The following CDH13 variants were observed in gnomAD, a reference collection of about 807,000 sequenced individuals.
CDH13 encodes the protein cadherin 13, also known as cadherin-13.
A neutral mutation model predicts 63.8 loss-of-function variants in CDH13; 24 were observed. That is an observed-to-expected ratio of 0.38 (90% CI 0.27 to 0.53). The LOEUF is 0.53. Ranked by LOEUF, CDH13 falls within the 20% of genes least tolerant of loss-of-function variation. The probability of loss-of-function intolerance (pLI) is 0.85; values close to 1 mark genes in which losing one functional copy is unlikely to be tolerated. For synonymous variants in CDH13, 503 were observed against 355.3 expected, an observed-to-expected ratio of 1.42 and a Z score of -4.67; for missense variants, 1,049 against 903.1, an observed-to-expected ratio of 1.16 and a Z score of -2.07.
chr16:83,056,463 G>C (rs1010779362), intron 3 of CDH13, among the ~76,000 whole-genome samples: 5 of 150,250 alleles, frequency 3.3e-5, no homozygotes, highest in African/African-American at 1.2e-4. Flanking sequence ...CAAATACATA[G>C]CAAAAAAAAA....
At chr16:83,298,186 C>T (rs565195145) in intron 5 of CDH13, among the ~76,000 whole-genome samples, 12 of 151,842 alleles carry the variant, frequency 7.9e-5, no homozygotes, top group African/African-American at 2.2e-4. Flanking sequence ...GAGGCTGTAG[C>T]GAGCAATGAT....
At chr16:83,014,201 A>G (rs964700800) in intron 2 of CDH13, among the ~76,000 whole-genome samples, 5 of 151,962 alleles carry the variant, frequency 3.3e-5, no homozygotes, top group Non-Finnish European at 5.9e-5. Flanking sequence ...CTTCCCATTC[A>G]TTGAAAAATT....
intron 1 of CDH13, among the ~76,000 whole-genome samples, chr16:82,760,950 A>G (rs1223678761): frequency 7.0e-6 from 1 of 143,664 alleles, no homozygotes; most frequent in Non-Finnish European, 1.5e-5. Context: ...GGAGGGATCT[A>G]CCCCCATAAG....
At chr16:82,917,740 C>G (rs1484311631) in intron 2 of CDH13, among the ~76,000 whole-genome samples, 1 of 151,834 alleles carries the variant, frequency 6.6e-6, no homozygotes, top group African/African-American at 2.4e-5. Context: ...GGTGAAACCT[C>G]GGCTCTACTA....
chr16:83,000,440 C>T (rs1448089693), intron 2 of CDH13, among the ~76,000 whole-genome samples: 4 of 149,712 alleles, frequency 2.7e-5, no homozygotes, highest in East Asian at 2.0e-4. Context: ...CGTAGAGACA[C>T]GGTTTCACCA....
chr16:82,997,858 T>C (rs1567729243), intron 2 of CDH13, among the ~76,000 whole-genome samples: 1 of 152,242 alleles, frequency 6.6e-6, no homozygotes, highest in Non-Finnish European at 1.5e-5. Context: ...AACTACCAGT[T>C]GCAGCTCTTA....
At chr16:82,915,953 G>A (rs988324008) in intron 2 of CDH13, among the ~76,000 whole-genome samples, 1 of 151,710 alleles carries the variant, frequency 6.6e-6, no homozygotes, top group African/African-American at 2.4e-5. Flanking sequence ...AAGGCAGCTT[G>A]TGCTTTAAAG....
intron 7 of CDH13, among the ~76,000 whole-genome samples, chr16:83,487,515 C>T (rs185676545): frequency 6.6e-6 from 1 of 152,248 alleles, no homozygotes; most frequent in African/African-American, 2.4e-5. Flanking sequence ...CCTGCCCTTT[C>T]CTGAGTTTGA....
intron 6 of CDH13, among the ~76,000 whole-genome samples, chr16:83,355,651 A>C (rs1170311499): frequency 6.6e-6 from 1 of 152,194 alleles, no homozygotes; most frequent in Non-Finnish European, 1.5e-5. Flanking sequence ...GCCGTATACC[A>C]GGTATGCTGT....
chr16:83,199,574 A>G (rs1391700382), intron 4 of CDH13, among the ~76,000 whole-genome samples: 1 of 152,262 alleles, frequency 6.6e-6, no homozygotes, highest in Non-Finnish European at 1.5e-5. Flanking sequence ...TGGCCTGCAC[A>G]AGGCCTCAGT....
chr16:83,558,387 G>A (rs1300267693), intron 7 of CDH13, among the ~76,000 whole-genome samples: 1 of 152,104 alleles, frequency 6.6e-6, no homozygotes, highest in Non-Finnish European at 1.5e-5. Context: ...AAAAAAATGG[G>A]GAATTTAAGA....
chr16:83,466,081 G>A (rs973943018), intron 6 of CDH13, among the ~76,000 whole-genome samples: 4 of 152,238 alleles, frequency 2.6e-5, no homozygotes, highest in East Asian at 1.9e-4. Flanking sequence ...ACCACCCCCC[G>A]CAACCCCATG....
chr16:82,911,256 A>T (rs1597195767), intron 2 of CDH13, among the ~76,000 whole-genome samples: 1 of 152,244 alleles, frequency 6.6e-6, no homozygotes, highest in East Asian at 1.9e-4. Context: ...GTGAAAAAGA[A>T]ACTTCTGCAA....
rs139260672 is a variant in CDH13 at position 83,110,715 on chromosome 16, G to T, written c.367-14670G>T. Among the ~76,000 whole-genome samples, 660 of 152,154 alleles carry T rather than the reference G, an allele frequency of 4.3e-3. 5 individuals are homozygous for T. The highest frequency in any genetic ancestry group is 0.015 in the African/African-American group (629 of 41,494). ...TACATTTCCAACTCAGACATCTCTG[G>T]ATCCAACCAGCTTTTGTTTTGCCAG... On this transcript the variant is annotated intron_variant, in intron 3 of 13. Transcript: ENST00000567109.
chr16:82,820,891 T>C (rs184908440), intron 1 of CDH13, among the ~76,000 whole-genome samples: 1 of 133,858 alleles, frequency 7.5e-6, no homozygotes, highest in Non-Finnish European at 1.7e-5. Flanking sequence ...TTTTCATTCA[T>C]ATGAATATGC....
intron 1 of CDH13, 59 bp downstream of exon 1, chr16:82,627,196 G>T: frequency 1.4e-6 from 2 of 1,478,566 alleles, no homozygotes; most frequent in Non-Finnish European, 1.9e-6. Context: ...CGGATCGCCC[G>T]GCACGGGCAG....
intron 7 of CDH13, among the ~76,000 whole-genome samples, chr16:83,557,524 C>A (rs767003485): frequency 2.0e-5 from 3 of 152,096 alleles, no homozygotes; most frequent in Non-Finnish European, 4.4e-5. Context: ...TGTGTTGAAG[C>A]AAACGAAGCT....
chr16:83,763,850 T>A (rs1914172095), intron 11 of CDH13, among the ~76,000 whole-genome samples: 1 of 152,142 alleles, frequency 6.6e-6, no homozygotes, highest in Non-Finnish European at 1.5e-5. Context: ...CTGGTAATAG[T>A]GAGGTGTGAT....
intron 7 of CDH13, among the ~76,000 whole-genome samples, chr16:83,570,179 G>A (rs1036421196): frequency 6.6e-6 from 1 of 152,168 alleles, no homozygotes; most frequent in Non-Finnish European, 1.5e-5. Context: ...TGAGCACACA[G>A]GATTCTAACT....
Sources: allele counts gnomAD v4.1 joint callset (sites outside exome capture counted in the v4.1 genomes callset), GRCh38; gene constraint gnomAD v4.1.1; transcripts MANE v1.5; gene names NCBI Gene and HGNC (gene_info 2026-07-23, HGNC 2026-07-21).